MMP26: variants seen among roughly 807,000 people sequenced by gnomAD.
MMP26 encodes matrix metalloproteinase-26.
In MMP26, 33 loss-of-function variants were observed where a neutral mutation model predicts 31.0. The ratio of observed to expected loss-of-function variants is 1.06; its 90% CI spans 0.81 to 1.42. The LOEUF (loss-of-function observed/expected upper bound fraction) is 1.42. Ranked by LOEUF, MMP26 falls within the 40% of genes most tolerant of loss-of-function variation. MMP26 has a pLI of 0.00. For synonymous variants in MMP26, 122 were observed against 114.9 expected (o/e 1.06, Z -0.40); for missense variants, 347 against 316.1 (o/e 1.10, Z -0.74).
At chr11:4,924,854 T>G (rs372259228) in intron 2 of MMP26, among the ~76,000 whole-genome samples, 9 of 152,192 alleles carry the variant, frequency 5.9e-5, no homozygotes, top group East Asian at 5.8e-4. Flanking sequence ...GAGTTTTGCC[T>G]GTGGGGCTGG....
At chr11:4,928,181 CT>C (rs1427235724) in intron 2 of MMP26, among the ~76,000 whole-genome samples, 4 of 151,730 alleles carry the variant, frequency 2.6e-5, no homozygotes, top group Non-Finnish European at 5.9e-5. Flanking sequence ...ATTTTTCCTC[CT>C]TTTTTTTACA....
At chr11:4,897,385 G>A (rs753787342) in intron 2 of MMP26, among the ~76,000 whole-genome samples, 5 of 151,712 alleles carry the variant, frequency 3.3e-5, no homozygotes, top group African/African-American at 7.3e-5. Context: ...TGATTTGCCC[G>A]CCTCAGTCTC....
intron 2 of MMP26, among the ~76,000 whole-genome samples, chr11:4,867,196 C>G (rs1216117147): frequency 1.3e-5 from 2 of 151,858 alleles, no homozygotes; most frequent in African/African-American, 4.8e-5. Context: ...TGACAAAGGT[C>G]TAATATCAAG....
Position 4,769,460 on chromosome 11 carries a change from C to A in MMP26, c.-145+2119C>A, listed in dbSNP as rs145202384. The A allele has an allele frequency of 3.0e-5, 48 of 1,612,758 alleles. No individual in the cohort carries two copies. In the Middle Eastern group the frequency reaches 1.2e-3, roughly 39 times the overall value. On this transcript the variant is annotated intron_variant, in intron 2 of 7. Coordinates refer to ENST00000380390, the MANE Select transcript of MMP26 (RefSeq NM_021801.5). The stretch of plus-strand genomic sequence containing the variant: ...TAGTGGCAATATTAGTACTATAGCA[C>A]GTGTAATCATCAGAAGACCCATTTG...
At chr11:4,977,944 A>G (rs141180415) in intron 2 of MMP26, among the ~76,000 whole-genome samples, 1 of 151,702 alleles carries the variant, frequency 6.6e-6, no homozygotes, top group East Asian at 1.9e-4. Context: ...TGAGGTGTCC[A>G]GGTGTCCAGG....
intron 2 of MMP26, among the ~76,000 whole-genome samples, chr11:4,864,006 C>T (rs904382886): frequency 6.6e-6 from 1 of 152,122 alleles, no homozygotes; most frequent in African/African-American, 2.4e-5. Flanking sequence ...CTAAGTAAGA[C>T]TTACAATTCC....
intron 1 of MMP26, among the ~76,000 whole-genome samples, chr11:4,755,860 A>T (rs1175590390): frequency 6.6e-6 from 1 of 152,068 alleles, no homozygotes; most frequent in Non-Finnish European, 1.5e-5. Context: ...GTATATAAAG[A>T]AAAAAATACT....
At position 4,837,780 on chromosome 11, in the gene MMP26, AC is replaced by A. The variant is rs545387830; in HGVS notation, c.-145+70440del. ...GGCCAGTGTGCAGGAGACAGCAGGA[AC>A]AAGGAAAGAACAATTGAGGCTCTGC... On this transcript the variant is annotated intron_variant, in intron 2 of 7. Transcript: ENST00000380390. 3.9e-5 allele frequency among the ~76,000 whole-genome samples: 6 copies of A among 152,246 alleles called. No homozygotes were observed. In the East Asian group the frequency reaches 9.7e-4, roughly 25 times the overall value.
At chr11:4,810,676 C>T (rs923892752) in intron 2 of MMP26, among the ~76,000 whole-genome samples, 2 of 152,134 alleles carry the variant, frequency 1.3e-5, no homozygotes, top group African/African-American at 4.8e-5. Flanking sequence ...CCTCTGAGTG[C>T]GTGATTATCC....
chr11:4,889,292 C>T (rs1475859066), intron 2 of MMP26, among the ~76,000 whole-genome samples: 1 of 152,030 alleles, frequency 6.6e-6, no homozygotes, highest in Non-Finnish European at 1.5e-5. Context: ...TCCCATATAC[C>T]TTAAAGTATC....
At chr11:4,826,586 A>C (rs1396553101) in intron 2 of MMP26, among the ~76,000 whole-genome samples, 1 of 152,130 alleles carries the variant, frequency 6.6e-6, no homozygotes, top group African/African-American at 2.4e-5. Flanking sequence ...CAAGCAATAA[A>C]GAAAAATCAT....
chr11:4,898,749 A>G (rs11034573), intron 2 of MMP26, among the ~76,000 whole-genome samples: 20,162 of 151,846 alleles, frequency 0.13, 2,109 homozygotes, highest in East Asian at 0.59. Context: ...ATCCAAACCT[A>G]TCTATTCCAG....
Position 4,974,966 on chromosome 11 carries a change from G to GA in MMP26, c.-144-13102_-144-13101insA, listed in dbSNP as rs1564817774. 1.8e-4 allele frequency among the ~76,000 whole-genome samples: 28 copies of GA among 152,038 alleles called. 1 individual carries two copies. Among genetic ancestry groups the GA allele is most frequent in the African/African-American group, 6.8e-4 (28 of 41,398 alleles). ...CTGGGGCCTGTCAGGGGTTGAGGTG[G>GA]GGGGAGGGAGAGTATTAGGAGAAAT... On this transcript the variant is annotated intron_variant, in intron 2 of 7. Transcript: ENST00000380390.
intron 2 of MMP26, among the ~76,000 whole-genome samples, chr11:4,976,791 G>T (rs556201465): frequency 9.9e-5 from 15 of 152,116 alleles, no homozygotes; most frequent in African/African-American, 2.7e-4. Flanking sequence ...GCCATTGAAG[G>T]TTAACATCCT....
At chr11:4,780,575 G>A (rs566737277) in intron 2 of MMP26, among the ~76,000 whole-genome samples, 14 of 151,946 alleles carry the variant, frequency 9.2e-5, no homozygotes, top group Admixed American at 8.5e-4. Context: ...TTGGTTATAT[G>A]TAAAAAGGAT....
chr11:4,933,587 T>C (rs2133593034), intron 2 of MMP26, among the ~76,000 whole-genome samples: 1 of 152,044 alleles, frequency 6.6e-6, no homozygotes, highest in East Asian at 1.9e-4. Flanking sequence ...TTTATTTTTA[T>C]TATACTTTAA....
chr11:4,938,984 G>A (rs764634949), intron 2 of MMP26, among the ~76,000 whole-genome samples: 13 of 152,030 alleles, frequency 8.6e-5, no homozygotes, highest in Non-Finnish European at 7.4e-5. Flanking sequence ...AATACCTAAA[G>A]CCATCTACTT....
At chr11:4,933,962 C>T (rs1052323880) in intron 2 of MMP26, among the ~76,000 whole-genome samples, 15 of 146,664 alleles carry the variant, frequency 1.0e-4, no homozygotes, top group Middle Eastern at 3.4e-3. Flanking sequence ...TTTTCTTAAT[C>T]CAGTCTATCA....
chr11:4,780,489 A>C (rs1848843814), intron 2 of MMP26, among the ~76,000 whole-genome samples: 1 of 152,092 alleles, frequency 6.6e-6, no homozygotes, highest in Non-Finnish European at 1.5e-5. Flanking sequence ...TAATTGTTAA[A>C]AGTTTAATCT....
Sources: gnomAD v4.1 joint callset for allele counts (sites outside exome capture counted in the v4.1 genomes callset) on GRCh38, gnomAD v4.1.1 for gene constraint, MANE v1.5 for transcripts, NCBI Gene and HGNC (gene_info 2026-07-23, HGNC 2026-07-21) for gene names.